Variants in ASCC1 observed in about 807,000 individuals in gnomAD.
ASCC1 encodes activating signal cointegrator 1 complex subunit 1.
A neutral mutation model predicts 46.6 loss-of-function variants in ASCC1; 35 were observed. That is an observed-to-expected ratio of 0.75 (90% CI 0.57 to 0.99). ASCC1 has a LOEUF of 0.99. Ranked by LOEUF, ASCC1 falls within the 50% of genes least tolerant of loss-of-function variation. ASCC1 has a pLI of 0.00. For missense variants in ASCC1, 376 were observed against 428.7 expected, an observed-to-expected ratio of 0.88 and a Z score of 1.09; for synonymous variants, 143 against 146.6, an observed-to-expected ratio of 0.98 and a Z score of 0.18.
intron 5 of ASCC1, 138 bp from the exon 6 acceptor site, chr10:72,161,812 G>C: frequency 1.1e-6 from 1 of 896,480 alleles, no homozygotes; most frequent in South Asian, 1.4e-5. Flanking sequence ...ATTCAATAGA[G>C]AAAGTCTCCT....
At chr10:72,203,315 C>G in intron 4 of ASCC1, 112 bp downstream of exon 4, 1 of 837,590 alleles carries the variant, frequency 1.2e-6, no homozygotes, top group Non-Finnish European at 2.0e-6. Flanking sequence ...AAGAAAAAGC[C>G]CATAGCTAGA....
At position 72,152,856 on chromosome 10, in the gene ASCC1, T is replaced by G. The variant is rs1848529313; in HGVS notation, c.746+13A>C. The G allele has an allele frequency of 6.2e-7, 1 of 1,614,002 alleles. No homozygotes were observed. Among genetic ancestry groups the G allele is most frequent in the Non-Finnish European group, 8.5e-7 (1 of 1,179,974 alleles). ...CCTCTTGATTGAAACAAAGAAGCAT[T>G]CCAGAAATATACCTGTTGGAGCCAT... On this transcript the variant is annotated intron_variant, in intron 7 of 9. Coordinates refer to ENST00000672957, the MANE Select transcript of ASCC1 (RefSeq NM_001198800.3).
chr10:72,214,875 G>A (rs905704108), intron 1 of ASCC1, among the ~76,000 whole-genome samples: 4 of 152,156 alleles, frequency 2.6e-5, no homozygotes, highest in African/African-American at 9.7e-5. Context: ...CTGCTGAAGG[G>A]GGGAATCCAA....
At chr10:72,203,148 T>A (rs1348649839) in intron 4 of ASCC1, among the ~76,000 whole-genome samples, 1 of 151,818 alleles carries the variant, frequency 6.6e-6, no homozygotes, top group Admixed American at 6.6e-5. Context: ...TAGCCAGGCG[T>A]GGTGGCACAT....
chr10:72,203,341 T>A, intron 4 of ASCC1, 86 bp downstream of exon 4: 1 of 956,536 alleles, frequency 1.0e-6, no homozygotes. Context: ...ACAGAAAACA[T>A]AGTTACTAAA....
intron 9 of ASCC1, among the ~76,000 whole-genome samples, chr10:72,112,796 T>C (rs892903797): frequency 2.7e-5 from 4 of 148,434 alleles, no homozygotes; most frequent in African/African-American, 7.6e-5. Flanking sequence ...CGAGAATCAC[T>C]TGAACCCAAG....
intron 5 of ASCC1, among the ~76,000 whole-genome samples, chr10:72,183,136 A>G (rs533207652): frequency 6.6e-6 from 1 of 150,894 alleles, no homozygotes; most frequent in Non-Finnish European, 1.5e-5. Context: ...TCCACCTCCT[A>G]AGTTCAAGCG....
chr10:72,204,105 G>A (rs559491676), intron 3 of ASCC1, among the ~76,000 whole-genome samples: 1 of 152,220 alleles, frequency 6.6e-6, no homozygotes, highest in Admixed American at 6.5e-5. Context: ...AAAATTAACT[G>A]GGTGTGACAG....
At chr10:72,186,531 ATCT>A (rs1211835953) in intron 5 of ASCC1, among the ~76,000 whole-genome samples, 1 of 152,210 alleles carries the variant, frequency 6.6e-6, no homozygotes, top group Non-Finnish European at 1.5e-5. Flanking sequence ...TGCTCTTCAA[ATCT>A]TGTAGAAGAG....
rs1490371637 is a variant in ASCC1, at chr10:72,111,778, AC to A, written c.958-14329del. 3.3e-5 allele frequency among the ~76,000 whole-genome samples: 5 copies of A among 151,982 alleles called. 1 individual carries two copies. Among genetic ancestry groups the A allele is most frequent in the Non-Finnish European group, 5.9e-5 (4 of 67,986 alleles). ...TGCCTCAGCCTCCCGAGTAGCTGGG[AC>A]TACAGGTGCCTGCCACCACGCCCGG... is the stretch of plus-strand genomic sequence containing the variant. On this transcript the variant is annotated intron_variant, in intron 9 of 9. Coordinates refer to ENST00000672957, the MANE Select transcript of ASCC1 (RefSeq NM_001198800.3).
At chr10:72,201,398 G>A (rs1399113133) in intron 4 of ASCC1, among the ~76,000 whole-genome samples, 3 of 152,290 alleles carry the variant, frequency 2.0e-5, no homozygotes, top group African/African-American at 4.8e-5. Context: ...GAACATTTAT[G>A]GAAAATGGGG....
At chr10:72,199,102 A>G (rs1856089303) in intron 4 of ASCC1, among the ~76,000 whole-genome samples, 2 of 150,720 alleles carry the variant, frequency 1.3e-5, no homozygotes, top group African/African-American at 2.4e-5. Flanking sequence ...GGTGTGAGCC[A>G]CCACACCCAG....
rs543499256 is a variant in ASCC1, at chr10:72,169,268, T to C, written c.490-7594A>G. On this transcript the variant is annotated intron_variant, in intron 5 of 9. Coordinates refer to ENST00000672957, the MANE Select transcript of ASCC1 (RefSeq NM_001198800.3). ...CCGGGTAACAAGGTGAAACCCCGTCTACACAAGAAATACAAAAATTAGCCG... is the reference window on the plus strand; with the variant it reads ...CCGGGTAACAAGGTGAAACCCCGTCCACACAAGAAATACAAAAATTAGCCG... Among the ~76,000 whole-genome samples the C allele has an allele frequency of 1.1e-4, 17 of 152,258 alleles. No individual in the cohort carries two copies. The South Asian group carries it at 3.5e-3, about 32-fold the overall frequency.
chr10:72,119,492 G>A (rs1056705422), intron 9 of ASCC1, among the ~76,000 whole-genome samples: 1 of 152,074 alleles, frequency 6.6e-6, no homozygotes, highest in African/African-American at 2.4e-5. Flanking sequence ...CTTCCACATA[G>A]GGGCCCCTCT....
chr10:72,156,484 C>T lies in ASCC1; in HGVS notation c.627-3496G>A, dbSNP rs541234613. Among the ~76,000 whole-genome samples the T allele has an allele frequency of 7.2e-5, 11 of 152,218 alleles. No homozygotes were observed. In the East Asian group the frequency reaches 2.1e-3, roughly 29 times the overall value. ...TGCCTTAAAAACAAAAGGATTTGGC[C>T]GGGTGCGGTGGCTCACGCCTGTAAT... On this transcript the variant is annotated intron_variant, in intron 6 of 9. Transcript: ENST00000672957.
intron 7 of ASCC1, among the ~76,000 whole-genome samples, chr10:72,141,084 GAT>G (rs1377990170): frequency 4.5e-5 from 6 of 133,990 alleles, no homozygotes; most frequent in African/African-American, 1.1e-4. Flanking sequence ...TAGATAGATA[GAT>G]ATAGATATAG....
At chr10:72,145,174 T>C (rs1228359461) in intron 7 of ASCC1, among the ~76,000 whole-genome samples, 2 of 152,238 alleles carry the variant, frequency 1.3e-5, no homozygotes, top group Non-Finnish European at 2.9e-5. Flanking sequence ...CAATCCTCCA[T>C]AGGTGGCTTC....
chr10:72,172,499 C>CT (rs956432607), intron 5 of ASCC1, among the ~76,000 whole-genome samples: 4 of 144,064 alleles, frequency 2.8e-5, no homozygotes, highest in African/African-American at 1.0e-4. Flanking sequence ...AGATGTTGGG[C>CT]TTTTTTTTCT....
intron 5 of ASCC1, among the ~76,000 whole-genome samples, chr10:72,193,479 C>CCA (rs1041901265): frequency 6.9e-6 from 1 of 143,900 alleles, no homozygotes; most frequent in African/African-American, 2.6e-5. Flanking sequence ...CACACACACA[C>CCA]CACACACACA....
Sources: allele counts gnomAD v4.1 joint callset (sites outside exome capture counted in the v4.1 genomes callset), GRCh38; gene constraint gnomAD v4.1.1; transcripts MANE v1.5; gene names NCBI Gene and HGNC (gene_info 2026-07-23, HGNC 2026-07-21).